RHOBTB1: variants seen among roughly 807,000 people sequenced by gnomAD.
RHOBTB1 encodes Rho related BTB domain containing 1, also known as rho-related BTB domain-containing protein 1.
In RHOBTB1, 40 loss-of-function variants were observed where a neutral mutation model predicts 71.6. The observed-to-expected ratio is 0.56, with a 90% confidence interval of 0.43 to 0.73. The LOEUF (loss-of-function observed/expected upper bound fraction) is 0.73. Among genes scored for constraint, RHOBTB1 ranks in the 30% least tolerant of loss-of-function variants. RHOBTB1 has a pLI of 0.00. For synonymous variants in RHOBTB1, 319 were observed against 334.9 expected (o/e 0.95, Z 0.52); for missense variants, 797 against 894.0 (o/e 0.89, Z 1.38).
intron 1 of RHOBTB1, among the ~76,000 whole-genome samples, chr10:61,000,520 G>C (rs2087224821): frequency 6.6e-6 from 1 of 152,070 alleles, no homozygotes; most frequent in Admixed American, 6.5e-5. Context: ...AAACTATACG[G>C]TAAACTTAGT....
At chr10:61,001,802 G>A (rs1186886009), upstream of RHOBTB1, among the ~76,000 whole-genome samples, 1 of 152,208 alleles carries the variant, frequency 6.6e-6, no homozygotes, top group Non-Finnish European at 1.5e-5. Context: ...CAGTGCCTGC[G>A]GCCTCGCCAT....
intron 2 of RHOBTB1, among the ~76,000 whole-genome samples, chr10:60,956,433 T>G (rs1040775190): frequency 2.6e-5 from 4 of 152,194 alleles, no homozygotes; most frequent in African/African-American, 9.6e-5. Flanking sequence ...GGCTACACTA[T>G]ATTCATAAGA....
intron 4 of RHOBTB1, among the ~76,000 whole-genome samples, 169 bp downstream of exon 4, chr10:60,910,718 A>G (rs1323850451): frequency 2.0e-5 from 3 of 152,176 alleles, no homozygotes; most frequent in Admixed American, 6.5e-5. Flanking sequence ...TTTTCTTGAC[A>G]TCAGGAAACA....
intron 2 of RHOBTB1, among the ~76,000 whole-genome samples, chr10:60,975,584 A>C (rs989840246): frequency 1.3e-5 from 2 of 152,122 alleles, no homozygotes; most frequent in Admixed American, 6.6e-5. Flanking sequence ...TGCTGACTTT[A>C]TGTGGAAGCA....
At chr10:60,991,250 A>T (rs943825674) in intron 1 of RHOBTB1, among the ~76,000 whole-genome samples, 1 of 152,066 alleles carries the variant, frequency 6.6e-6, no homozygotes, top group African/African-American at 2.4e-5. Context: ...AGCACTCCCC[A>T]CACCCCCACC....
At chr10:60,942,321 C>G (rs1334697511) in intron 1 of RHOBTB1, among the ~76,000 whole-genome samples, 1 of 152,176 alleles carries the variant, frequency 6.6e-6, no homozygotes, top group African/African-American at 2.4e-5. Context: ...GAGCCAATAA[C>G]ATCAAACTGT....
At chr10:60,895,282 G>A (rs2132862410) in intron 4 of RHOBTB1, among the ~76,000 whole-genome samples, 1 of 152,240 alleles carries the variant, frequency 6.6e-6, no homozygotes, top group African/African-American at 2.4e-5. Context: ...ATAACTTATT[G>A]AGTCAAAATT....
At chr10:60,885,105 A>G (rs999876595) in intron 7 of RHOBTB1, among the ~76,000 whole-genome samples, 1 of 152,062 alleles carries the variant, frequency 6.6e-6, no homozygotes, top group South Asian at 2.1e-4. Flanking sequence ...GTGGTGTTCT[A>G]TTGCACAGTA....
chr10:60,922,265 G>A (rs2083608482), intron 2 of RHOBTB1, among the ~76,000 whole-genome samples: 3 of 152,180 alleles, frequency 2.0e-5, no homozygotes, highest in African/African-American at 7.2e-5. Context: ...ATATGAAAGT[G>A]AGTCTTGAAT....
chr10:60,982,069 C>T (rs1565186533), intron 2 of RHOBTB1, among the ~76,000 whole-genome samples: 1 of 152,188 alleles, frequency 6.6e-6, no homozygotes, highest in Non-Finnish European at 1.5e-5. Context: ...CTGTGGCTGG[C>T]CTGTAAGTTA....
intron 2 of RHOBTB1, among the ~76,000 whole-genome samples, chr10:60,951,854 T>C (rs534509416): frequency 3.9e-5 from 6 of 152,088 alleles, no homozygotes; most frequent in Non-Finnish European, 8.8e-5. Context: ...GTCAGGAGTT[T>C]GAGACCAGCC....
chr10:60,880,525 G>T (rs551095373), intron 7 of RHOBTB1, among the ~76,000 whole-genome samples: 1 of 152,052 alleles, frequency 6.6e-6, no homozygotes, highest in African/African-American at 2.4e-5. Flanking sequence ...TTTCAGACAT[G>T]GTTGGTGAAA....
In RHOBTB1 at chr10:60,871,207, CA is replaced by C. The variant is rs2080762058; in HGVS notation, c.*274del. On this transcript the variant is annotated 3_prime_UTR_variant, in exon 11 of 11. Coordinates refer to ENST00000337910, the MANE Select transcript of RHOBTB1 (RefSeq NM_014836.5). ...CTTTGTATAAAAAGAAACAAAATAA[CA>C]GACTAAAGTTTATTAAGCCTCCTAA... 6.4e-6 allele frequency: 2 copies of C among 314,826 alleles called. No individual in the cohort carries two copies. Among genetic ancestry groups the C allele is most frequent in the East Asian group, 1.1e-4 (2 of 18,452 alleles). 19.5% of individuals were successfully genotyped at this position (314,826 alleles called of 1,614,324 possible).
chr10:60,866,446 A>G (rs1418854601), downstream of RHOBTB1, among the ~76,000 whole-genome samples: 2 of 152,360 alleles, frequency 1.3e-5, no homozygotes, highest in South Asian at 2.1e-4. Flanking sequence ...AAAGACATAC[A>G]TTGAACAGAA....
intron 4 of RHOBTB1, among the ~76,000 whole-genome samples, chr10:60,910,276 T>TTAA (rs1463701171): frequency 5.3e-5 from 8 of 152,244 alleles, no homozygotes; most frequent in Non-Finnish European, 1.5e-5. Flanking sequence ...CCTACCCATA[T>TTAA]TAATGTCCTT....
intron 7 of RHOBTB1, among the ~76,000 whole-genome samples, chr10:60,880,193 G>GTT: frequency 7.0e-6 from 1 of 142,276 alleles, no homozygotes; most frequent in Non-Finnish European, 1.5e-5. Flanking sequence ...GTGTGTGTGT[G>GTT]TGTGTGTGTG....
chr10:60,916,177 G>C (rs1369435980), intron 2 of RHOBTB1, among the ~76,000 whole-genome samples: 2 of 152,210 alleles, frequency 1.3e-5, no homozygotes, highest in Non-Finnish European at 2.9e-5. Context: ...GTGAGGTCTA[G>C]AGTCTAGGTC....
chr10:60,927,815 C>A (rs1212621811), intron 2 of RHOBTB1, among the ~76,000 whole-genome samples: 1 of 151,982 alleles, frequency 6.6e-6, no homozygotes, highest in African/African-American at 2.4e-5. Context: ...CAAAGATTTC[C>A]TGAGATCTCA....
rs71018937 is a variant in RHOBTB1, at chr10:60,987,919, C to CTTTTTTTTTTTT, written c.-162-1986_-162-1975dup. Reference sequence around the variant, plus strand: ...GCTGTCTGCTGTCTGAAATACTCAACTTTTTTTTTTTTTTTTTTTTTTTTT... The same window carrying CTTTTTTTTTTTT: ...GCTGTCTGCTGTCTGAAATACTCAACTTTTTTTTTTTTTTTTTTTTTTTTTTTTTTTTTTTTT... On this transcript the variant is annotated intron_variant, in intron 1 of 11. Transcript: ENST00000357917. Among the ~76,000 whole-genome samples the CTTTTTTTTTTTT allele has an allele frequency of 2.0e-4, 11 of 53,738 alleles. 1 individual carries two copies. Among genetic ancestry groups the CTTTTTTTTTTTT allele is most frequent in the African/African-American group, 5.8e-4 (8 of 13,762 alleles). 35.3% of individuals were successfully genotyped at this position (53,738 alleles called of 152,430 possible). A position where few individuals can be genotyped will look rare whatever the true frequency, so the allele number is the denominator to read the frequency against.
Sources: gnomAD v4.1 joint callset for allele counts (sites outside exome capture counted in the v4.1 genomes callset) on GRCh38, gnomAD v4.1.1 for gene constraint, MANE v1.5 for transcripts, NCBI Gene and HGNC (gene_info 2026-07-23, HGNC 2026-07-21) for gene names.